BICD1: variants seen among roughly 807,000 people sequenced by gnomAD.
BICD1 encodes BICD cargo adaptor 1.
In BICD1, 35 loss-of-function variants were observed where a neutral mutation model predicts 92.5. The ratio of observed to expected loss-of-function variants is 0.38; its 90% CI spans 0.29 to 0.50. The LOEUF (loss-of-function observed/expected upper bound fraction) is 0.50. BICD1 is among the 20% of genes least tolerant of loss of function. BICD1 has a pLI of 0.93. For synonymous variants in BICD1, 429 were observed against 465.1 expected (o/e 0.92, Z 1.00); for missense variants, 950 against 1,189.8 (o/e 0.80, Z 2.97).
intron 9 of BICD1, among the ~76,000 whole-genome samples, chr12:32,368,227 T>C (rs978957200): frequency 2.6e-5 from 4 of 152,140 alleles, no homozygotes; most frequent in African/African-American, 9.7e-5. Flanking sequence ...TATTTGTCAA[T>C]TTAAAAAAAT....
intron 2 of BICD1, among the ~76,000 whole-genome samples, chr12:32,293,664 G>T (rs1489839404): frequency 6.6e-6 from 1 of 151,976 alleles, no homozygotes; most frequent in African/African-American, 2.4e-5. Context: ...ATAATGTTCC[G>T]TTCAATGGAT....
chr12:32,257,946 G>T (rs1029681660), intron 2 of BICD1, among the ~76,000 whole-genome samples: 2 of 152,046 alleles, frequency 1.3e-5, no homozygotes, highest in Admixed American at 1.3e-4. Flanking sequence ...GTTGTCATTT[G>T]ACGTTTCAGT....
chr12:32,127,904 A>ATTT (rs1260559791), intron 1 of BICD1, among the ~76,000 whole-genome samples: 2 of 131,298 alleles, frequency 1.5e-5, no homozygotes, highest in Admixed American at 8.8e-5. Context: ...CTGTGATCTA[A>ATTT]TTCTTTTTTT....
intron 2 of BICD1, among the ~76,000 whole-genome samples, chr12:32,288,596 T>C (rs1947643408): frequency 6.6e-6 from 1 of 152,116 alleles, no homozygotes; most frequent in Non-Finnish European, 1.5e-5. Flanking sequence ...CCGGGCTTGG[T>C]GACTCACACT....
At position 32,306,429 on chromosome 12, in the gene BICD1, A is replaced by G. The variant is rs548527663; in HGVS notation, c.1005+307A>G. ...CGGCTAATTTTTTTGTATTTTTAGT[A>G]GAGACGGGGTTTCACCGTATTAGCC... On this transcript the variant is annotated intron_variant, in intron 4 of 9. Transcript: ENST00000652176. Among the ~76,000 whole-genome samples the G allele has an allele frequency of 5.3e-5, 8 of 151,918 alleles. No individual in the cohort carries two copies. In the South Asian group the frequency reaches 6.2e-4, roughly 12 times the overall value.
chr12:32,376,794 G>T (rs1939986178), intron 9 of BICD1, among the ~76,000 whole-genome samples: 1 of 150,886 alleles, frequency 6.6e-6, no homozygotes, highest in Admixed American at 6.6e-5. Flanking sequence ...CTTGAACTCG[G>T]GAGGCGGAGG....
chr12:32,216,410 T>C lies in BICD1; in HGVS notation c.377T>C (p.Val126Ala), dbSNP rs771944171. Reference protein sequence around the residue: ...LKQSRAVVTNVQAENERLTAV... With the variant: ...LKQSRAVVTNAQAENERLTAV... ...CAGAGCCGGGCTGTGGTCACTAATG[T>C]ACAGGCAGAAAACGAGAGGCTCACC... is the stretch of plus-strand genomic sequence containing the variant. Residue 126 changes from valine to alanine, a missense_variant, in exon 2 of 10, where the codon GTA (valine) becomes GCA (alanine). Physicochemically the swap from Val to Ala is moderately conservative, Grantham distance 64 (BLOSUM62 0). This residue lies in a region of BICD1 where 202 missense variants were observed against 205.3 expected (regional missense o/e 0.98). Coordinates refer to ENST00000652176, the MANE Select transcript of BICD1 (RefSeq NM_001714.4). 3 of 1,614,160 alleles carry C rather than the reference T, an allele frequency of 1.9e-6. No individual in the cohort carries two copies. The highest frequency in any genetic ancestry group is 2.5e-6 in the Non-Finnish European group (3 of 1,180,032).
At chr12:32,361,462 A>G (rs1382184488) in intron 8 of BICD1, among the ~76,000 whole-genome samples, 2 of 151,776 alleles carry the variant, frequency 1.3e-5, no homozygotes, top group East Asian at 1.9e-4. Context: ...CTGTAACACA[A>G]GAGTCACTTA....
rs145727551 is a variant in BICD1, at chr12:32,112,152, A to G, written c.213+4608A>G. Among the ~76,000 whole-genome samples the G allele has an allele frequency of 2.9e-3, 437 of 152,080 alleles. 6 individuals are homozygous for G. The highest frequency in any genetic ancestry group is 9.8e-3 in the African/African-American group (406 of 41,490). The stretch of plus-strand genomic sequence containing the variant: ...CTCCCGAGTAGCTAGGATTACAGGC[A>G]TGCGCCACCACACCTGGCCAGTTTT... On this transcript the variant is annotated intron_variant, in intron 1 of 9. Coordinates refer to ENST00000652176, the MANE Select transcript of BICD1 (RefSeq NM_001714.4).
intron 1 of BICD1, among the ~76,000 whole-genome samples, chr12:32,140,062 C>T (rs915820354): frequency 1.3e-5 from 2 of 152,168 alleles, no homozygotes; most frequent in Non-Finnish European, 2.9e-5. Context: ...ATTAAGTCAG[C>T]CGGCAGGAGT....
At chr12:32,149,157 A>G (rs193063919) in intron 1 of BICD1, among the ~76,000 whole-genome samples, 1 of 152,320 alleles carries the variant, frequency 6.6e-6, no homozygotes, top group Non-Finnish European at 1.5e-5. Flanking sequence ...TGCATGGGAT[A>G]GGCCATTTCC....
At chr12:32,188,859 C>G (rs547624447) in intron 1 of BICD1, among the ~76,000 whole-genome samples, 1 of 152,172 alleles carries the variant, frequency 6.6e-6, no homozygotes, top group Admixed American at 6.5e-5. Flanking sequence ...TCCCGAGTAG[C>G]TGGGACTACA....
intron 1 of BICD1, among the ~76,000 whole-genome samples, chr12:32,141,921 T>A (rs975848778): frequency 1.3e-5 from 2 of 152,206 alleles, no homozygotes; most frequent in African/African-American, 2.4e-5. Flanking sequence ...TAGCACATAG[T>A]AGGTGACGAA....
At chr12:32,339,155 A>G (rs1938257056) in intron 8 of BICD1, 176 bp downstream of exon 8, 1 of 1,329,770 alleles carries the variant, frequency 7.5e-7, no homozygotes, top group East Asian at 3.2e-5. Context: ...TCCTTCACTC[A>G]TATTCCTTAG....
At chr12:32,287,393 T>C (rs1274900225) in intron 2 of BICD1, among the ~76,000 whole-genome samples, 1 of 152,188 alleles carries the variant, frequency 6.6e-6, no homozygotes, top group East Asian at 1.9e-4. Context: ...CTGATTCTAA[T>C]TGTGTTAATA....
At chr12:32,356,811 A>T (rs1199283100) in intron 8 of BICD1, among the ~76,000 whole-genome samples, 1 of 152,090 alleles carries the variant, frequency 6.6e-6, no homozygotes, top group Non-Finnish European at 1.5e-5. Flanking sequence ...TGGGTGTGGG[A>T]AACTTCTATA....
At chr12:32,229,576 C>T (rs1390137856) in intron 2 of BICD1, among the ~76,000 whole-genome samples, 5 of 152,084 alleles carry the variant, frequency 3.3e-5, no homozygotes, top group African/African-American at 7.2e-5. Context: ...ATTGGGTTTA[C>T]GAACAAGGGG....
intron 1 of BICD1, among the ~76,000 whole-genome samples, chr12:32,119,536 A>G (rs1348925438): frequency 2.6e-5 from 4 of 152,108 alleles, no homozygotes; most frequent in African/African-American, 7.2e-5. Context: ...TATATTTCCA[A>G]CTTGAGGACT....
At position 32,212,560 on chromosome 12, in the gene BICD1, G is replaced by T. The variant is rs180704842; in HGVS notation, c.214-3687G>T. On this transcript the variant is annotated intron_variant, in intron 1 of 9. Coordinates refer to ENST00000652176, the MANE Select transcript of BICD1 (RefSeq NM_001714.4). ...CTGCCTCAGCCACCCAAGTAGCTGG[G>T]ATTACAGGCATGCACAAGCACGCCC... Among the ~76,000 whole-genome samples the T allele has an allele frequency of 2.4e-4, 36 of 152,260 alleles. No homozygotes were observed. The East Asian group carries it at 4.6e-3, about 20-fold the overall frequency.
Sources: gnomAD v4.1 joint callset for allele counts (sites outside exome capture counted in the v4.1 genomes callset) on GRCh38, gnomAD v4.1.1 for gene constraint, gnomAD v4.1.1 regional missense constraint, MANE v1.5 for transcripts, NCBI Gene and HGNC (gene_info 2026-07-23, HGNC 2026-07-21) for gene names.